The following CPEB1 variants were observed in gnomAD, a reference collection of about 807,000 sequenced individuals.
CPEB1 encodes the protein cytoplasmic polyadenylation element binding protein 1, also known as cytoplasmic polyadenylation element-binding protein 1.
In CPEB1, 7 loss-of-function variants were observed where a neutral mutation model predicts 65.8. That is an observed-to-expected ratio of 0.11 (90% CI 0.06 to 0.20). CPEB1 has a LOEUF of 0.20. CPEB1 is among the 10% of genes least tolerant of loss of function. The pLI, the probability that CPEB1 is intolerant of heterozygous loss-of-function variation, is 1.00. For synonymous variants in CPEB1, 262 were observed against 260.0 expected, an observed-to-expected ratio of 1.01 and a Z score of -0.08; for missense variants, 551 against 712.2, an observed-to-expected ratio of 0.77 and a Z score of 2.58.
intron 3 of CPEB1, among the ~76,000 whole-genome samples, chr15:82,615,857 T>G (rs2044659124): frequency 6.6e-6 from 1 of 152,084 alleles, no homozygotes; most frequent in East Asian, 1.9e-4. Context: ...AGGAAGCTCT[T>G]GTGATGTGGG....
chr15:82,641,480 A>C (rs2047112513), intron 1 of CPEB1: 2 of 152,226 alleles, frequency 1.3e-5, no homozygotes, highest in Admixed American at 6.5e-5. Context: ...GATTGTAGGA[A>C]GTGGGGCTAA....
chr15:82,567,285 A>G (rs2039293576), intron 4 of CPEB1, among the ~76,000 whole-genome samples: 2 of 152,138 alleles, frequency 1.3e-5, no homozygotes, highest in African/African-American at 2.4e-5. Context: ...ATCAATGGGG[A>G]GCCTGCAAGT....
intron 3 of CPEB1, among the ~76,000 whole-genome samples, chr15:82,577,600 AG>A (rs2040804320): frequency 6.6e-6 from 1 of 152,158 alleles, no homozygotes; most frequent in Non-Finnish European, 1.5e-5. Context: ...ACTGCAGACT[AG>A]ACTTCCAGGT....
At chr15:82,591,377 T>C (rs2042239023) in intron 3 of CPEB1, among the ~76,000 whole-genome samples, 4 of 152,168 alleles carry the variant, frequency 2.6e-5, no homozygotes, top group Admixed American at 2.6e-4. Flanking sequence ...TTCTCATGCC[T>C]CAGCCTCCCG....
chr15:82,645,636 G>A (rs1450205309), intron 1 of CPEB1, among the ~76,000 whole-genome samples: 1 of 152,024 alleles, frequency 6.6e-6, no homozygotes, highest in Non-Finnish European at 1.5e-5. Context: ...TTGGGAGGCC[G>A]AGGTGGGCGG....
chr15:82,647,105 C>A, intron 1 of CPEB1, 32 bp downstream of exon 1: 1 of 152,900 alleles, frequency 6.5e-6, no homozygotes, highest in East Asian at 1.9e-4. Context: ...GCCTGCAAGC[C>A]TAACCCTCTC....
chr15:82,639,786 AT>A (rs2046957500), intron 1 of CPEB1, among the ~76,000 whole-genome samples: 1 of 152,028 alleles, frequency 6.6e-6, no homozygotes, highest in South Asian at 2.1e-4. Flanking sequence ...GGAGTCTGAA[AT>A]TTTGGTACAT....
chr15:82,546,499 T>C lies in CPEB1; in HGVS notation c.1598A>G (p.Glu533Gly). The C allele has an allele frequency of 2.5e-6, 4 of 1,614,022 alleles. No homozygotes were observed. The highest frequency in any genetic ancestry group is 2.5e-6 in the Non-Finnish European group (3 of 1,179,930). ...TKKVQIDPYL[E>G]DSLCHICSSQ... is the part of the protein sequence containing the mutation. ...ACTGCAGATATGACACAGAGAATCT[T>C]CTAGGTAGGGGTCAATCTGAACCTG... The change falls in exon 12 of 13, where the codon GAA (glutamate) becomes GGA (glycine). Residue 533 changes from glutamate to glycine, a missense_variant. Around this residue, in one of 6 missense-constraint regions of CPEB1, gnomAD observed 98 missense variants for 157.6 expected, o/e 0.62. Transcript: ENST00000684509.
intron 3 of CPEB1, among the ~76,000 whole-genome samples, chr15:82,621,337 C>T (rs1032045095): frequency 7.0e-6 from 1 of 143,468 alleles, no homozygotes; most frequent in Non-Finnish European, 1.5e-5. Context: ...AAAAAAAAAT[C>T]CAGGCCAGGT....
chr15:82,633,029 C>T (rs891689521), intron 1 of CPEB1: 3 of 152,182 alleles, frequency 2.0e-5, no homozygotes, highest in African/African-American at 7.2e-5. Context: ...TCTACTATTG[C>T]CTGACAGTTC....
At chr15:82,609,843 C>T (rs1288474979) in intron 3 of CPEB1, among the ~76,000 whole-genome samples, 2 of 151,916 alleles carry the variant, frequency 1.3e-5, no homozygotes, top group African/African-American at 4.8e-5. Context: ...GGTGGATCAC[C>T]TGAGGTTGGG....
chr15:82,602,872 A>G (rs1341994258), intron 3 of CPEB1, among the ~76,000 whole-genome samples: 1 of 152,100 alleles, frequency 6.6e-6, no homozygotes, highest in African/African-American at 2.4e-5. Flanking sequence ...AAATAAATAA[A>G]ATAAAATCAA....
At chr15:82,645,564 C>CA (rs1476139904) in intron 1 of CPEB1, among the ~76,000 whole-genome samples, 3 of 151,378 alleles carry the variant, frequency 2.0e-5, no homozygotes, top group Admixed American at 2.0e-4. Context: ...ATCGCCGTGA[C>CA]AAAAAATTTA....
upstream of CPEB1, chr15:82,647,563 C>T (rs956545820): frequency 9.7e-6 from 3 of 308,212 alleles, no homozygotes; most frequent in African/African-American, 6.6e-5. Flanking sequence ...GACAGACGCT[C>T]GAGGCCGCCT....
At chr15:82,612,091 C>T (rs2044212186) in intron 3 of CPEB1, among the ~76,000 whole-genome samples, 1 of 151,904 alleles carries the variant, frequency 6.6e-6, no homozygotes, top group African/African-American at 2.4e-5. Flanking sequence ...ACTGGAAATT[C>T]TAAAACATCA....
chr15:82,599,252 G>A (rs951969032), intron 3 of CPEB1, among the ~76,000 whole-genome samples: 4 of 152,112 alleles, frequency 2.6e-5, no homozygotes, highest in Non-Finnish European at 4.4e-5. Flanking sequence ...CTACTCAACT[G>A]GACACGTTCC....
chr15:82,562,836 A>G (rs1361318736), intron 4 of CPEB1, among the ~76,000 whole-genome samples: 1 of 146,926 alleles, frequency 6.8e-6, no homozygotes, highest in Non-Finnish European at 1.5e-5. Context: ...TCCTGTCTCA[A>G]AAAAAAAAAA....
At chr15:82,640,304 A>G (rs1567241266) in intron 1 of CPEB1, among the ~76,000 whole-genome samples, 1 of 152,120 alleles carries the variant, frequency 6.6e-6, no homozygotes, top group Non-Finnish European at 1.5e-5. Context: ...CAGATTTTGA[A>G]TATTATGAAT....
intron 3 of CPEB1, among the ~76,000 whole-genome samples, chr15:82,612,878 C>CA (rs2044316073): frequency 6.6e-6 from 1 of 151,778 alleles, no homozygotes; most frequent in South Asian, 2.1e-4. Flanking sequence ...AACAAACAAA[C>CA]AAAAAACTGA....
Sources: allele counts gnomAD v4.1 joint callset (sites outside exome capture counted in the v4.1 genomes callset), GRCh38; gene constraint gnomAD v4.1.1; regional missense constraint gnomAD v4.1.1; transcripts MANE v1.5; gene names NCBI Gene and HGNC (gene_info 2026-07-23, HGNC 2026-07-21).